TBC1D1: variants seen among roughly 807,000 people sequenced by gnomAD.
TBC1D1 encodes TBC1 domain family member 1.
Under a neutral mutation model 125.6 loss-of-function variants are expected in TBC1D1, and 89 were observed. The ratio of observed to expected loss-of-function variants is 0.71; its 90% CI spans 0.60 to 0.85. The LOEUF is 0.85. Among genes scored for constraint, TBC1D1 ranks in the 40% least tolerant of loss-of-function variants. The pLI is 0.00. For missense variants in TBC1D1, 1,377 were observed against 1,469.2 expected (o/e 0.94, Z 1.03); for synonymous variants, 565 against 564.1 (o/e 1.00, Z -0.02).
chr4:38,059,335 A>G (rs1378321170), intron 12 of TBC1D1, among the ~76,000 whole-genome samples: 1 of 152,234 alleles, frequency 6.6e-6, no homozygotes, highest in Non-Finnish European at 1.5e-5. Flanking sequence ...CTTCTCAAAT[A>G]CTAAGTAGGT....
At chr4:38,081,065 TG>T (rs1241195247) in intron 12 of TBC1D1, among the ~76,000 whole-genome samples, 2 of 152,180 alleles carry the variant, frequency 1.3e-5, no homozygotes, top group Non-Finnish European at 2.9e-5. Context: ...GAGAGTTGCG[TG>T]GCTCCCGGGG....
intron 2 of TBC1D1, among the ~76,000 whole-genome samples, chr4:37,919,351 T>G (rs1368429139): frequency 6.6e-6 from 1 of 151,216 alleles, no homozygotes; most frequent in African/African-American, 2.4e-5. Flanking sequence ...TTTTTTTTTT[T>G]TTTTGGTATT....
At chr4:38,110,604 G>A (rs765753019) in intron 15 of TBC1D1, 7 of 985,372 alleles carry the variant, frequency 7.1e-6, no homozygotes, top group African/African-American at 1.7e-5. Context: ...CACATCGAAT[G>A]TCTTTTTATA....
chr4:38,127,957 A>T (rs773213592), intron 18 of TBC1D1, among the ~76,000 whole-genome samples: 2 of 152,060 alleles, frequency 1.3e-5, no homozygotes, highest in Non-Finnish European at 2.9e-5. Flanking sequence ...ACAGCTACTC[A>T]CCTCGGCCTT....
At chr4:38,052,194 T>TGTGTGTGTGTGTGTGTGC (rs755025486) in intron 11 of TBC1D1, 134 bp downstream of exon 12, 577 of 581,370 alleles carry the variant, frequency 9.9e-4, no homozygotes, top group African/African-American at 7.0e-3. Context: ...TGTGTGTGTG[T>TGTGTGTGTGTGTGTGTGC]GCGCGCGCGT....
chr4:38,076,607 A>G (rs1267230481), intron 12 of TBC1D1, among the ~76,000 whole-genome samples: 2 of 152,160 alleles, frequency 1.3e-5, no homozygotes, highest in Non-Finnish European at 1.5e-5. Flanking sequence ...TAGAATATAG[A>G]ATGGAAGTTA....
At chr4:37,951,217 T>A (rs1727798958) in intron 2 of TBC1D1, among the ~76,000 whole-genome samples, 1 of 152,214 alleles carries the variant, frequency 6.6e-6, no homozygotes, top group African/African-American at 2.4e-5. Context: ...CTATTTACTG[T>A]ATACTGAAAT....
chr4:38,091,874 C>T (rs1009588654), intron 13 of TBC1D1, among the ~76,000 whole-genome samples: 1 of 152,270 alleles, frequency 6.6e-6, no homozygotes, highest in Non-Finnish European at 1.5e-5. Flanking sequence ...TTCCTCATTT[C>T]ATCTGGCTTC....
At chr4:37,929,810 A>G (rs1400157077) in intron 2 of TBC1D1, among the ~76,000 whole-genome samples, 1 of 152,198 alleles carries the variant, frequency 6.6e-6, no homozygotes, top group Non-Finnish European at 1.5e-5. Flanking sequence ...AGCCAACTAA[A>G]CGATATTAAC....
At chr4:37,895,438 T>C (rs1300347096) in intron 1 of TBC1D1, among the ~76,000 whole-genome samples, 2 of 152,166 alleles carry the variant, frequency 1.3e-5, no homozygotes, top group Non-Finnish European at 2.9e-5. Context: ...TTTATATGAC[T>C]CGTGCCTGTA....
chr4:38,136,432 C>T lies in TBC1D1; in HGVS notation c.3307-703C>T, dbSNP rs114895773. 1.8e-3 allele frequency among the ~76,000 whole-genome samples: 272 copies of T among 152,162 alleles called. 2 individuals are homozygous for T. Among genetic ancestry groups the T allele is most frequent in the Non-Finnish European group, 3.4e-3 (230 of 68,002 alleles). ...CTTTCTAAGGACTCCATATGTGTTC[C>T]GGGGTAAATGCCTGTGTTTCTTGAC... On this transcript the variant is annotated intron_variant, in intron 19 of 19. Transcript: ENST00000261439.
At chr4:37,998,020 A>C (rs1056297387) in intron 2 of TBC1D1, among the ~76,000 whole-genome samples, 8 of 152,142 alleles carry the variant, frequency 5.3e-5, no homozygotes, top group African/African-American at 1.9e-4. Flanking sequence ...CCATCTAGCC[A>C]CTGAACCCTC....
At chr4:37,979,911 C>G (rs1461026142) in intron 2 of TBC1D1, among the ~76,000 whole-genome samples, 1 of 152,180 alleles carries the variant, frequency 6.6e-6, no homozygotes, top group Non-Finnish European at 1.5e-5. Flanking sequence ...TCCCGAGTAG[C>G]TGGGATTACA....
chr4:37,902,543 G>T (rs367835978), intron 2 of TBC1D1, 31 bp downstream of exon 2: 4 of 1,539,446 alleles, frequency 2.6e-6, no homozygotes, highest in Middle Eastern at 1.8e-4. Flanking sequence ...AAAGACTAAG[G>T]TGTGGCTGGC....
intron 1 of TBC1D1, among the ~76,000 whole-genome samples, chr4:37,897,569 T>G (rs1205583071): frequency 1.3e-5 from 2 of 152,240 alleles, no homozygotes; most frequent in Non-Finnish European, 2.9e-5. Context: ...ACTCATTTGA[T>G]GACTGATTAT....
At chr4:38,040,919 G>A (rs894632493) in intron 8 of TBC1D1, among the ~76,000 whole-genome samples, 3 of 152,216 alleles carry the variant, frequency 2.0e-5, no homozygotes, top group South Asian at 4.1e-4. Flanking sequence ...CCTGCCTGGG[G>A]ATCATTGCTC....
intron 2 of TBC1D1, among the ~76,000 whole-genome samples, chr4:37,990,746 A>G (rs757839835): frequency 5.3e-5 from 8 of 152,188 alleles, no homozygotes; most frequent in Non-Finnish European, 1.0e-4. Flanking sequence ...TGTAACTGAA[A>G]GAACATCGTA....
rs927742771 is a variant in TBC1D1 at position 38,069,149 on chromosome 4, C to T, written c.2050+14811C>T. Among the ~76,000 whole-genome samples the T allele has an allele frequency of 2.0e-5, 3 of 152,236 alleles. No individual in the cohort carries two copies. In the East Asian group the frequency reaches 5.8e-4, roughly 29 times the overall value. On this transcript the variant is annotated intron_variant, in intron 12 of 19. Transcript: ENST00000261439. ...AGAGGCTTTAGGGGAAAGGGGTCCA[C>T]TCAAGGTCATACAGGCAAGGTCATA... is the stretch of plus-strand genomic sequence containing the variant.
At chr4:37,938,035 G>T (rs1031691598) in intron 2 of TBC1D1, among the ~76,000 whole-genome samples, 1 of 152,126 alleles carries the variant, frequency 6.6e-6, no homozygotes, top group African/African-American at 2.4e-5. Context: ...AATTGCTGAG[G>T]GGACAGTCTC....
Sources: allele counts gnomAD v4.1 joint callset (sites outside exome capture counted in the v4.1 genomes callset), GRCh38; gene constraint gnomAD v4.1.1; transcripts MANE v1.5; gene names NCBI Gene and HGNC (gene_info 2026-07-23, HGNC 2026-07-21).